The following VAV3 variants were observed in gnomAD, a reference collection of about 807,000 sequenced individuals.
The protein encoded by VAV3 is guanine nucleotide exchange factor VAV3.
Under a neutral mutation model 131.2 loss-of-function variants are expected in VAV3, and 94 were observed. The ratio of observed to expected loss-of-function variants is 0.72; its 90% CI spans 0.61 to 0.85. The LOEUF is 0.85. Among genes scored for constraint, VAV3 ranks in the 40% least tolerant of loss-of-function variants. The pLI, the probability that VAV3 is intolerant of heterozygous loss-of-function variation, is 0.00. For missense variants in VAV3, 939 were observed against 1,002.7 expected (o/e 0.94, Z 0.86); for synonymous variants, 349 against 342.0 (o/e 1.02, Z -0.22).
At chr1:107,875,230 T>A (rs1172979108) in intron 1 of VAV3, among the ~76,000 whole-genome samples, 1 of 152,144 alleles carries the variant, frequency 6.6e-6, no homozygotes, top group Non-Finnish European at 1.5e-5. Flanking sequence ...TCTACCCTCA[T>A]GAAACTTACA....
intron 15 of VAV3, among the ~76,000 whole-genome samples, chr1:107,746,542 C>T (rs150406526): frequency 2.0e-5 from 3 of 152,294 alleles, no homozygotes; most frequent in Admixed American, 6.5e-5. Flanking sequence ...TATGTATAAA[C>T]CTGTAAGGCG....
At chr1:107,696,053 G>A (rs1200746200) in intron 17 of VAV3, among the ~76,000 whole-genome samples, 1 of 152,134 alleles carries the variant, frequency 6.6e-6, no homozygotes, top group Admixed American at 6.5e-5. Context: ...TTCAAAGCCA[G>A]AGGTTTTAAA....
intron 1 of VAV3, among the ~76,000 whole-genome samples, chr1:107,911,921 A>G (rs549194635): frequency 6.6e-6 from 1 of 151,276 alleles, no homozygotes; most frequent in East Asian, 1.9e-4. Context: ...AACAGCGCTG[A>G]TTTAAACAAA....
At chr1:107,940,062 A>G (rs1186950599) in intron 1 of VAV3, among the ~76,000 whole-genome samples, 2 of 152,170 alleles carry the variant, frequency 1.3e-5, no homozygotes, top group Non-Finnish European at 2.9e-5. Flanking sequence ...AAAGTCCAAC[A>G]ATATTAAAGG....
rs117405246 is a variant in VAV3 at position 107,890,941 on chromosome 1, G to A, written c.205-15924C>T. ...ATTCATTGCCACTTTACTCCTATAA[G>A]GCAGATGTGGTGTAGGGTTTTATTA... On this transcript the variant is annotated intron_variant, in intron 1 of 26. Transcript: ENST00000370056. 3.3e-5 allele frequency among the ~76,000 whole-genome samples: 5 copies of A among 152,178 alleles called. No individual in the cohort carries two copies. The East Asian group carries it at 9.7e-4, about 29-fold the overall frequency.
chr1:107,826,220 A>G lies in VAV3; in HGVS notation c.322-46728T>C, dbSNP rs143471204. 3.3e-3 allele frequency among the ~76,000 whole-genome samples: 501 copies of G among 152,334 alleles called. 13 individuals are homozygous for G. The highest frequency in any genetic ancestry group is 0.028 in the Admixed American group (429 of 15,294). On this transcript the variant is annotated intron_variant, in intron 2 of 26. Coordinates refer to ENST00000370056, the MANE Select transcript of VAV3 (RefSeq NM_006113.5). ...CACATTTACTATATTGTAAATCCCT[A>G]TCTACACGATTAGGTTATAATAGGC...
At chr1:107,663,501 A>G (rs1008890400) in intron 19 of VAV3, among the ~76,000 whole-genome samples, 2 of 150,302 alleles carry the variant, frequency 1.3e-5, no homozygotes, top group African/African-American at 4.9e-5. Flanking sequence ...GAATATAATG[A>G]AAAAAAAATG....
At chr1:107,649,722 C>A (rs555755115) in intron 19 of VAV3, among the ~76,000 whole-genome samples, 1 of 152,182 alleles carries the variant, frequency 6.6e-6, no homozygotes, top group East Asian at 1.9e-4. Context: ...ATTAAGGGCA[C>A]TTTGCAAGAA....
chr1:107,943,406 T>C lies in VAV3; in HGVS notation c.204+21260A>G, dbSNP rs549744063. ...GGCCTAGAACAAAATTAAGTGAATG[T>C]GGTGAAGCCAATTTATCATTTCCTT... is the stretch of plus-strand genomic sequence containing the variant. On this transcript the variant is annotated intron_variant, in intron 1 of 26. Transcript: ENST00000370056. Among the ~76,000 whole-genome samples the C allele has an allele frequency of 2.9e-4, 44 of 152,314 alleles. 1 individual carries two copies. The South Asian group carries it at 8.7e-3, about 30-fold the overall frequency.
At chr1:107,683,669 C>A in intron 18 of VAV3, 136 bp from the exon 19 acceptor site, 1 of 852,530 alleles carries the variant, frequency 1.2e-6, no homozygotes, top group Non-Finnish European at 1.9e-6. Flanking sequence ...TAAATTTGAT[C>A]AGAATATGGT....
At chr1:107,642,454 C>T (rs1198453697) in intron 20 of VAV3, among the ~76,000 whole-genome samples, 165 bp downstream of exon 20, 2 of 152,156 alleles carry the variant, frequency 1.3e-5, no homozygotes, top group Non-Finnish European at 2.9e-5. Context: ...CAGCAACCCT[C>T]GGGGCTGCTC....
chr1:107,963,652 AAGT>A (rs1675255435), intron 1 of VAV3: 1 of 152,352 alleles, frequency 6.6e-6, no homozygotes, highest in African/African-American at 2.4e-5. Flanking sequence ...TCTGGTTGCT[AAGT>A]AGCTGAGGCT....
chr1:107,753,191 T>TA (rs911778441), intron 12 of VAV3, among the ~76,000 whole-genome samples: 27 of 152,042 alleles, frequency 1.8e-4, no homozygotes, highest in African/African-American at 6.0e-4. Context: ...TTATGCTAAG[T>TA]AAAAAAAGCC....
intron 2 of VAV3, among the ~76,000 whole-genome samples, chr1:107,867,382 T>A (rs939783103): frequency 6.6e-6 from 1 of 151,708 alleles, no homozygotes; most frequent in African/African-American, 2.4e-5. Flanking sequence ...TAAGAGGAGG[T>A]AGGAATGGAA....
rs11421605 is a variant in VAV3 at position 107,600,339 on chromosome 1, T to TC, written c.2220+2057dup. On this transcript the variant is annotated intron_variant, in intron 24 of 26. Coordinates refer to ENST00000370056, the MANE Select transcript of VAV3 (RefSeq NM_006113.5). ...ACTTTTCTGATATTGAGATTTTTTTTCCAGCTCCTTGTTTTTCTTTTCATA... is the reference window on the plus strand; with the variant it reads ...ACTTTTCTGATATTGAGATTTTTTTTCCCAGCTCCTTGTTTTTCTTTTCATA... Among the ~76,000 whole-genome samples the TC allele has an allele frequency of 4.2e-3, 636 of 152,316 alleles. 2 individuals are homozygous for TC. The highest frequency in any genetic ancestry group is 0.014 in the African/African-American group (594 of 41,578).
At chr1:107,893,422 T>G (rs770276779) in intron 1 of VAV3, among the ~76,000 whole-genome samples, 1 of 152,170 alleles carries the variant, frequency 6.6e-6, no homozygotes, top group Non-Finnish European at 1.5e-5. Context: ...ATTAGCCCAT[T>G]TTCATGCTGC....
intron 2 of VAV3, among the ~76,000 whole-genome samples, chr1:107,871,334 C>A (rs772722122): frequency 6.6e-6 from 1 of 151,436 alleles, no homozygotes; most frequent in African/African-American, 2.4e-5. Context: ...CCCATTCCCC[C>A]CCTCTCCCCC....
chr1:107,625,474 C>G (rs1262190815), intron 20 of VAV3, among the ~76,000 whole-genome samples: 2 of 152,000 alleles, frequency 1.3e-5, no homozygotes, highest in Non-Finnish European at 2.9e-5. Flanking sequence ...ACCATGTTGG[C>G]CAGGCTGGTT....
At chr1:107,912,074 C>T (rs756196584) in intron 1 of VAV3, among the ~76,000 whole-genome samples, 2 of 151,920 alleles carry the variant, frequency 1.3e-5, no homozygotes, top group African/African-American at 2.4e-5. Context: ...TGTGTGTGTG[C>T]GTGTTTACGT....
Sources: gnomAD v4.1 joint callset for allele counts (sites outside exome capture counted in the v4.1 genomes callset) on GRCh38, gnomAD v4.1.1 for gene constraint, MANE v1.5 for transcripts, NCBI Gene and HGNC (gene_info 2026-07-23, HGNC 2026-07-21) for gene names.